The following GK variants were observed in gnomAD, a reference collection of about 807,000 sequenced individuals.
GK encodes glycerol kinase, also known as ATP:glycerol 3-phosphotransferase.
GK carries 9 observed loss-of-function variants against 56.4 expected under a neutral mutation model. The ratio of observed to expected loss-of-function variants is 0.16; its 90% CI spans 0.10 to 0.28. The LOEUF (loss-of-function observed/expected upper bound fraction) is 0.28. Among genes scored for constraint, GK ranks in the 10% least tolerant of loss-of-function variants. The pLI is 1.00. For synonymous variants in GK, 104 were observed against 144.1 expected (o/e 0.72, Z 1.99); for missense variants, 161 against 431.4 (o/e 0.37, Z 5.55).
At chrX:30,728,615 A>C in intron 20 of GK, 117 bp from the exon 21 acceptor site, 1 of 571,691 alleles carries the variant, frequency 1.7e-6, no homozygotes, top group South Asian at 2.5e-5. Context: ...GTGAGGCATG[A>C]TTTAGAAATC....
At chrX:30,695,890 G>A (rs1198439037) in intron 6 of GK, 152 bp from the exon 7 acceptor site, 69 of 469,353 alleles carry the variant, frequency 1.5e-4, no homozygotes, top group African/African-American at 2.4e-5. Context: ...ATATACACCA[G>A]ATTTCAAAGA....
At chrX:30,653,832 T>C (rs746887069) in intron 1 of GK, among the ~76,000 whole-genome samples, 2 of 112,474 alleles carry the variant, frequency 1.8e-5, no homozygotes, top group Admixed American at 9.3e-5. Context: ...AGTTGAACAG[T>C]CGCAGTTTTG....
chrX:30,676,477 C>G (rs1445008592), intron 3 of GK, among the ~76,000 whole-genome samples: 1 of 111,812 alleles, frequency 8.9e-6, no homozygotes, highest in Non-Finnish European at 1.9e-5. Context: ...ATCTTAAATT[C>G]TGGAAGAGCT....
chrX:30,723,275 G>A (rs1936991990), intron 18 of GK, among the ~76,000 whole-genome samples: 2 of 109,300 alleles, frequency 1.8e-5, no homozygotes, highest in Non-Finnish European at 3.8e-5. Context: ...GGCGCCTGTA[G>A]TCCCAGCTAC....
chrX:30,720,241 GT>G, intron 16 of GK, 146 bp downstream of exon 16: 1 of 488,884 alleles, frequency 2.0e-6, no homozygotes. Flanking sequence ...TATAAGCAGG[GT>G]TTTCCCCCTT....
At position 30,653,603 on chromosome X, in the gene GK, G is replaced by A; in HGVS notation, c.66G>A (p.Ser22=). 8.3e-7 allele frequency: 1 copy of A among 1,209,692 alleles called. No homozygotes were observed. The part of the protein sequence containing the change: ...LVGAVDQGTS[S]TRFLVFNSKT... ...GGGCGGTGGACCAGGGCACCAGTTC[G>A]ACGCGCTTTTTGGTGAGCCCGGGGT... Residue 22 remains serine, a synonymous_variant, in exon 1 of 21, where the codon TCG becomes TCA. Transcript: ENST00000427190.
At chrX:30,712,717 CTTTTTTTTTTTTTT>C (rs769269247) in intron 13 of GK, among the ~76,000 whole-genome samples, 2 of 48,434 alleles carry the variant, frequency 4.1e-5, no homozygotes, top group Admixed American at 5.9e-4. Context: ...TTTTTCTTTT[CTTTTTTTTTTTTTT>C]TTTTTTTTTT....
intron 3 of GK, among the ~76,000 whole-genome samples, chrX:30,670,012 T>A (rs964386543): frequency 8.9e-6 from 1 of 112,640 alleles, no homozygotes; most frequent in Non-Finnish European, 1.9e-5. Context: ...ATATTAATCC[T>A]ATCCTCCCTT....
intron 6 of GK, 73 bp from the exon 7 acceptor site, chrX:30,695,969 T>G: frequency 3.4e-6 from 2 of 582,360 alleles, no homozygotes; most frequent in Non-Finnish European, 6.0e-6. Flanking sequence ...CTCTGCTGAT[T>G]ATGACCCTTA....
chrX:30,681,027 GACA>G (rs1405760555), intron 4 of GK, among the ~76,000 whole-genome samples: 1 of 111,553 alleles, frequency 9.0e-6, no homozygotes, highest in Non-Finnish European at 1.9e-5. Flanking sequence ...TCTGGAGGAA[GACA>G]ACATCATCTA....
chrX:30,716,181 A>G (rs953240092), intron 13 of GK, among the ~76,000 whole-genome samples: 9 of 112,488 alleles, frequency 8.0e-5, no homozygotes, highest in Non-Finnish European at 1.3e-4. Flanking sequence ...GACTCCTAGC[A>G]CAGTGGCTTC....
intron 1 of GK, among the ~76,000 whole-genome samples, chrX:30,658,226 A>G (rs777948096): frequency 2.7e-5 from 3 of 112,572 alleles, no homozygotes; most frequent in African/African-American, 9.7e-5. Flanking sequence ...ATTATGGGCC[A>G]GGGACTAATG....
intron 3 of GK, among the ~76,000 whole-genome samples, chrX:30,671,291 C>CAAAAAAAAAAAAAAAAAAAAAA (rs56822779): frequency 3.7e-5 from 1 of 27,306 alleles, no homozygotes; most frequent in Non-Finnish European, 6.8e-5. Flanking sequence ...AACTCCATCT[C>CAAAAAAAAAAAAAAAAAAAAAA]AAAAAAAAAA....
chrX:30,715,147 C>T (rs924303162), intron 13 of GK, among the ~76,000 whole-genome samples: 21 of 111,898 alleles, frequency 1.9e-4, no homozygotes, highest in African/African-American at 6.8e-4. Context: ...TCTCCATACT[C>T]ACCAATTTTC....
chrX:30,723,933 G>T lies in GK; in HGVS notation c.1502-168G>T, dbSNP rs1384393676. ...AAGCAAGCATGTCTTCCAGTCACTG[G>T]CAGTCATCAGCAACCATGTGCTTTC... On this transcript the variant is annotated intron_variant, in intron 18 of 20. Coordinates refer to ENST00000427190, the MANE Select transcript of GK (RefSeq NM_001205019.2). 1.1e-5 allele frequency: 5 copies of T among 474,269 alleles called. No homozygotes were observed. In the East Asian group the frequency reaches 1.9e-4, roughly 18 times the overall value. 39.1% of individuals were successfully genotyped at this position (474,269 alleles called of 1,213,427 possible).
intron 7 of GK, 64 bp from the exon 8 acceptor site, chrX:30,696,553 C>A: frequency 2.6e-6 from 2 of 779,450 alleles, no homozygotes; most frequent in Non-Finnish European, 3.9e-6. Flanking sequence ...CATTTAAATA[C>A]ATATAAATGT....
At chrX:30,686,419 G>A (rs895232533) in intron 4 of GK, among the ~76,000 whole-genome samples, 3 of 112,076 alleles carry the variant, frequency 2.7e-5, no homozygotes, top group African/African-American at 9.7e-5. Flanking sequence ...CCATAACCTG[G>A]AGCCTCACCT....
At chrX:30,680,331 A>G (rs1351100496) in intron 4 of GK, among the ~76,000 whole-genome samples, 3 of 112,353 alleles carry the variant, frequency 2.7e-5, no homozygotes, top group Non-Finnish European at 5.6e-5. Context: ...GAAAAGCTCT[A>G]TAACTTGTCC....
intron 19 of GK, among the ~76,000 whole-genome samples, chrX:30,725,453 T>G (rs1937090240): frequency 8.9e-6 from 1 of 111,844 alleles, no homozygotes; most frequent in Non-Finnish European, 1.9e-5. Context: ...TGAGAGACCC[T>G]TTACAACTAA....
Sources: allele counts gnomAD v4.1 joint callset (sites outside exome capture counted in the v4.1 genomes callset), GRCh38; gene constraint gnomAD v4.1.1; transcripts MANE v1.5; gene names NCBI Gene and HGNC (gene_info 2026-07-23, HGNC 2026-07-21).